The following CD36 variants were observed in gnomAD, a reference collection of about 807,000 sequenced individuals.
The protein encoded by CD36 is platelet glycoprotein 4.
In CD36, 119 loss-of-function variants were observed where a neutral mutation model predicts 55.2. That is an observed-to-expected ratio of 2.15 (90% CI 1.86 to 2.51). The LOEUF (loss-of-function observed/expected upper bound fraction) is 2.51, where lower values mean the gene tolerates loss of function less well. Among genes scored for constraint, CD36 ranks in the 30% most tolerant of loss-of-function variants. CD36 has a pLI of 0.00. For synonymous variants in CD36, 186 were observed against 193.6 expected, an observed-to-expected ratio of 0.96 and a Z score of 0.33; for missense variants, 819 against 555.5, an observed-to-expected ratio of 1.47 and a Z score of -4.77.
rs1798176586 is a variant in CD36 at position 80,676,691 on chromosome 7, TTAAA to T, written c.*311_*314del. ...AGGTATAACTCTTTTCTTTATGGGCTTAAATATTTTGTCACTGATCCTGCAAATG... is the reference window on the plus strand; with the variant it reads ...AGGTATAACTCTTTTCTTTATGGGCTTATTTTGTCACTGATCCTGCAAATG... On this transcript the variant is annotated 3_prime_UTR_variant, in exon 15 of 15. Transcript: ENST00000447544. 6.6e-6 allele frequency: 1 copy of T among 152,196 alleles called. No individual in the cohort carries two copies. The highest frequency in any genetic ancestry group is 6.5e-5 in the Admixed American group (1 of 15,270). 9.4% of individuals were successfully genotyped at this position (152,196 alleles called of 1,614,324 possible).
At chr7:80,626,679 AAT>A (rs1455610383) in intron 1 of CD36, among the ~76,000 whole-genome samples, 1 of 152,092 alleles carries the variant, frequency 6.6e-6, no homozygotes, top group African/African-American at 2.4e-5. Flanking sequence ...CTTATGTCTT[AAT>A]ATACCATGTA....
intron 14 of CD36, 47 bp downstream of exon 14, chr7:80,674,194 ATTAC>A (rs1584477284): frequency 7.4e-7 from 1 of 1,346,894 alleles, no homozygotes; most frequent in East Asian, 2.4e-5. Context: ...TAGCTTATAT[ATTAC>A]TTGTTTTCAC....
chr7:80,674,412 T>C (rs1474261458), intron 14 of CD36: 2 of 392,728 alleles, frequency 5.1e-6, no homozygotes, highest in Non-Finnish European at 9.3e-6. Flanking sequence ...GTGCCAAAGT[T>C]GTCCAAAATT....
At chr7:80,640,822 G>T (rs1413656) in intron 1 of CD36, among the ~76,000 whole-genome samples, 1 of 152,014 alleles carries the variant, frequency 6.6e-6, no homozygotes. Context: ...TATTGCATTA[G>T]TTTTTAAAGA....
chr7:80,660,560 TTACTTGTTTCAA>T (rs1439914796), intron 4 of CD36, among the ~76,000 whole-genome samples: 1 of 152,154 alleles, frequency 6.6e-6, no homozygotes, highest in African/African-American at 2.4e-5. Context: ...GTTTGAGATC[TTACTTGTTTCAA>T]TAACTTTATT....
Position 80,673,388 on chromosome 7 carries a change from G to T in CD36, c.1233G>T (p.Val411=). The change falls in exon 13 of 15, where the codon GTG becomes GTT. Residue 411 remains valine (V), a synonymous_variant. Coordinates refer to ENST00000447544, the MANE Select transcript of CD36 (RefSeq NM_001001548.3). ...AGAATCTGAAGAGGAACTATATTGTGCCTATTCTTTGGCTTAATGAGGTTT... is the reference window on the plus strand; with the variant it reads ...AGAATCTGAAGAGGAACTATATTGTTCCTATTCTTTGGCTTAATGAGGTTT... ...VLKNLKRNYI[V]PILWLNETGT... The T allele has an allele frequency of 6.4e-7, 1 of 1,570,130 alleles. No homozygotes were observed. Among genetic ancestry groups the T allele is most frequent in the Admixed American group, 1.7e-5 (1 of 59,854 alleles).
rs1052594180 is a variant in CD36, at chr7:80,632,261, A to T, written c.-183-13827A>T. Among the ~76,000 whole-genome samples, 12 of 126,526 alleles carry T rather than the reference A, an allele frequency of 9.5e-5. 1 individual carries two copies. The highest frequency in any genetic ancestry group is 3.4e-4 in the African/African-American group (10 of 29,662). 83.0% of individuals were successfully genotyped at this position (126,526 alleles called of 152,430 possible). On this transcript the variant is annotated intron_variant, in intron 1 of 13. Transcript: ENST00000309881. ...GGGCAGAATGATCACTTCTCCATTT[A>T]AAAAAAAAAAAAAACAGAACAAGAA...
intron 1 of CD36, among the ~76,000 whole-genome samples, chr7:80,613,159 A>C (rs1037069756): frequency 3.3e-5 from 5 of 152,078 alleles, no homozygotes; most frequent in Non-Finnish European, 7.4e-5. Context: ...TGGTAATGTA[A>C]TATTTAAGAC....
At chr7:80,674,243 TATTTCTAGACATGTC>T (rs1218014621) in intron 14 of CD36, 96 bp downstream of exon 14, 33 of 860,884 alleles carry the variant, frequency 3.8e-5, no homozygotes, top group Non-Finnish European at 5.1e-5. Flanking sequence ...AGGCCATATA[TATTTCTAGACATGTC>T]TAGCCACTGA....
At chr7:80,617,727 C>CA (rs5885184) in intron 1 of CD36, among the ~76,000 whole-genome samples, 81 of 122,728 alleles carry the variant, frequency 6.6e-4, no homozygotes, top group South Asian at 2.6e-3. Flanking sequence ...ACTGTGTCTC[C>CA]AAAAAAAAAA....
At chr7:80,656,807 T>C in intron 4 of CD36, 107 bp downstream of exon 4, 1 of 984,144 alleles carries the variant, frequency 1.0e-6, no homozygotes, top group Non-Finnish European at 1.6e-6. Context: ...TATTATTTTC[T>C]TGCCAAAAAT....
rs571465810 is a variant in CD36, at chr7:80,642,428, C to T, written c.-183-3660C>T. On this transcript the variant is annotated intron_variant, in intron 1 of 14. Transcript: ENST00000447544. ...TGGAATGGTGGAGACAAACTACATTCTTTCTCTGAAGATAAATATAGGTGG... is the reference window on the plus strand; with the variant it reads ...TGGAATGGTGGAGACAAACTACATTTTTTCTCTGAAGATAAATATAGGTGG... Among the ~76,000 whole-genome samples, 8 of 152,192 alleles carry T rather than the reference C, an allele frequency of 5.3e-5. 1 individual carries two copies. In the East Asian group the frequency reaches 1.5e-3, roughly 29 times the overall value.
At chr7:80,669,015 G>C (rs777126847) in intron 8 of CD36, among the ~76,000 whole-genome samples, 2 of 152,116 alleles carry the variant, frequency 1.3e-5, no homozygotes, top group Non-Finnish European at 2.9e-5. Flanking sequence ...TGTTTAGTGA[G>C]AGAACTTTAG....
At chr7:80,650,371 A>G (rs1453227496) in intron 3 of CD36, among the ~76,000 whole-genome samples, 1 of 152,052 alleles carries the variant, frequency 6.6e-6, no homozygotes, top group Non-Finnish European at 1.5e-5. Flanking sequence ...TTTTTTCTTC[A>G]GTTTACAGAC....
intron 11 of CD36, 46 bp from the exon 12 acceptor site, chr7:80,672,724 A>G: frequency 7.6e-7 from 1 of 1,320,632 alleles, no homozygotes; most frequent in South Asian, 1.2e-5. Context: ...ATAGTATAAA[A>G]TAATGTTTTT....
chr7:80,646,853 T>C lies in CD36; in HGVS notation c.113T>C (p.Ile38Thr), dbSNP rs1274967185. The C allele has an allele frequency of 1.9e-6, 3 of 1,613,828 alleles. No individual in the cohort carries two copies. Among genetic ancestry groups the C allele is most frequent in the South Asian group, 1.1e-5 (1 of 91,082 alleles). Residue 38 changes from isoleucine to threonine, a missense_variant, in exon 3 of 15, where the codon ATT becomes ACT. Transcript: ENST00000447544. ...GGAGACCTGCTTATCCAGAAGACAA[T>C]TAAAAAGGTACAAGTAGTCCAAAGA... is the stretch of plus-strand genomic sequence containing the variant. ...PVGDLLIQKT[I>T]KKQVVLEEGT...
At chr7:80,658,378 T>C (rs1796255972) in intron 4 of CD36, among the ~76,000 whole-genome samples, 1 of 152,060 alleles carries the variant, frequency 6.6e-6, no homozygotes, top group Non-Finnish European at 1.5e-5. Context: ...GTTTAAGAAA[T>C]AGAACCTAAG....
upstream of CD36, chr7:80,637,126 T>G (rs1794472808): frequency 6.6e-6 from 1 of 152,156 alleles, no homozygotes; most frequent in Non-Finnish European, 1.5e-5. Flanking sequence ...TATGCTCTTT[T>G]AAACAGGTCT....
chr7:80,611,624 A>T (rs1367528490), intron 1 of CD36, among the ~76,000 whole-genome samples: 2 of 152,200 alleles, frequency 1.3e-5, no homozygotes, highest in Non-Finnish European at 2.9e-5. Context: ...ACTGACAGTG[A>T]CCCGGTAAGA....
Sources: gnomAD v4.1 joint callset for allele counts (sites outside exome capture counted in the v4.1 genomes callset) on GRCh38, gnomAD v4.1.1 for gene constraint, MANE v1.5 for transcripts, NCBI Gene and HGNC (gene_info 2026-07-23, HGNC 2026-07-21) for gene names.